The following ITSN2 variants were observed in gnomAD, a reference collection of about 807,000 sequenced individuals.
ITSN2 encodes the protein intersectin-2.
In ITSN2, 156 loss-of-function variants were observed where a neutral mutation model predicts 243.7. That is an observed-to-expected ratio of 0.64 (90% CI 0.56 to 0.73). The LOEUF (loss-of-function observed/expected upper bound fraction) is 0.73. Ranked by LOEUF, ITSN2 falls within the 30% of genes least tolerant of loss-of-function variation. ITSN2 has a pLI of 0.00. For missense variants in ITSN2, 1,801 were observed against 1,996.1 expected (o/e 0.90, Z 1.86); for synonymous variants, 703 against 699.9 (o/e 1.00, Z -0.07).
chr2:24,275,663 A>G lies in ITSN2; in HGVS notation c.2081+50T>C, dbSNP rs1677916247. The G allele has an allele frequency of 2.7e-6, 4 of 1,463,016 alleles. No homozygotes were observed. The East Asian group carries it at 9.3e-5, about 34-fold the overall frequency. 90.6% of individuals were successfully genotyped at this position (1,463,016 alleles called of 1,614,324 possible). On this transcript the variant is annotated intron_variant, in intron 18 of 39. Coordinates refer to ENST00000355123, the MANE Select transcript of ITSN2 (RefSeq NM_006277.3). Reference sequence around the variant, plus strand: ...ATAAACTAAAGATATGAGCAACAAAATTACAATTCTAATGGCAATATAGCA... The same window carrying G: ...ATAAACTAAAGATATGAGCAACAAAGTTACAATTCTAATGGCAATATAGCA...
chr2:24,261,753 A>C lies in ITSN2; in HGVS notation c.2356-11T>G. On this transcript the variant is annotated splice_polypyrimidine_tract_variant and intron_variant, in intron 20 of 39. Coordinates refer to ENST00000355123, the MANE Select transcript of ITSN2 (RefSeq NM_006277.3). Reference sequence around the variant, plus strand: ...GGTTTTTTCATCAACCTACGGAAATAAAAAGAAGGATTAACAGTGCTTAGA... The same window carrying C: ...GGTTTTTTCATCAACCTACGGAAATCAAAAGAAGGATTAACAGTGCTTAGA... The C allele has an allele frequency of 6.2e-7, 1 of 1,601,490 alleles. No individual in the cohort carries two copies. Among genetic ancestry groups the C allele is most frequent in the Non-Finnish European group, 8.5e-7 (1 of 1,171,344 alleles).
intron 22 of ITSN2, among the ~76,000 whole-genome samples, chr2:24,259,509 A>G (rs4665678): frequency 0.98 from 148,965 of 152,312 alleles, 72,842 homozygotes; most frequent in East Asian, 0.99. Flanking sequence ...ACTTTCCACT[A>G]CCAAGTTGCC....
chr2:24,285,907 C>T (rs188668575), intron 16 of ITSN2, among the ~76,000 whole-genome samples: 127 of 152,292 alleles, frequency 8.3e-4, no homozygotes, highest in African/African-American at 2.9e-3. Flanking sequence ...TAGGATAACG[C>T]TGGCTGAGAT....
rs1013047992 is a variant in ITSN2 at position 24,216,345 on chromosome 2, T to C, written c.3807-113A>G. 2.5e-5 allele frequency: 21 copies of C among 845,866 alleles called. No homozygotes were observed. In the Admixed American group the frequency reaches 6.1e-4, roughly 25 times the overall value. 52.4% of individuals were successfully genotyped at this position (845,866 alleles called of 1,614,324 possible). A position where few individuals can be genotyped will look rare whatever the true frequency, so the allele number is the denominator to read the frequency against. ...ATAACCAGTGAGCTACCTAAGAACC[T>C]CTGGCACTGGGAAGGAGAACTCAAG... On this transcript the variant is annotated intron_variant, in intron 31 of 39. Transcript: ENST00000355123.
chr2:24,224,202 CACT>C (rs2151167577), intron 29 of ITSN2, among the ~76,000 whole-genome samples: 1 of 152,328 alleles, frequency 6.6e-6, no homozygotes, highest in East Asian at 1.9e-4. Flanking sequence ...CCTCCCACAC[CACT>C]GTCTTACAAA....
chr2:24,334,924 G>T (rs956274435), intron 1 of ITSN2, among the ~76,000 whole-genome samples: 1 of 151,560 alleles, frequency 6.6e-6, no homozygotes, highest in Non-Finnish European at 1.5e-5. Context: ...TTAGCCGGGC[G>T]TGGTAGCGGG....
chr2:24,258,385 C>T (rs1333301171), intron 22 of ITSN2, among the ~76,000 whole-genome samples: 1 of 152,134 alleles, frequency 6.6e-6, no homozygotes, highest in Non-Finnish European at 1.5e-5. Flanking sequence ...CCATGAAATA[C>T]ATATCATGGA....
At chr2:24,347,406 G>A (rs1282362396) in intron 1 of ITSN2, among the ~76,000 whole-genome samples, 1 of 152,146 alleles carries the variant, frequency 6.6e-6, no homozygotes, top group Non-Finnish European at 1.5e-5. Context: ...CAAATTGTAG[G>A]CCAGGCACTG....
At chr2:24,318,043 T>C (rs1054103566) in intron 2 of ITSN2, among the ~76,000 whole-genome samples, 1 of 152,210 alleles carries the variant, frequency 6.6e-6, no homozygotes, top group Non-Finnish European at 1.5e-5. Flanking sequence ...CACTGACACA[T>C]AGTCCCTCCC....
intron 1 of ITSN2, among the ~76,000 whole-genome samples, chr2:24,349,889 A>T (rs1233081076): frequency 6.6e-6 from 1 of 152,226 alleles, no homozygotes; most frequent in Non-Finnish European, 1.5e-5. Flanking sequence ...AATAACAGCA[A>T]CTGGAACCAC....
chr2:24,302,434 G>A (rs536518595), intron 9 of ITSN2, among the ~76,000 whole-genome samples: 15 of 152,160 alleles, frequency 9.9e-5, no homozygotes, highest in African/African-American at 2.9e-4. Context: ...TCCTGACCTC[G>A]TGATCCGCCC....
chr2:24,282,258 T>A (rs1465621344), intron 17 of ITSN2, among the ~76,000 whole-genome samples: 2 of 152,094 alleles, frequency 1.3e-5, no homozygotes, highest in Admixed American at 6.5e-5. Flanking sequence ...AGCACGCCGG[T>A]GGAAGAGCAT....
At chr2:24,284,679 G>A in intron 17 of ITSN2, 84 bp downstream of exon 17, 1 of 806,684 alleles carries the variant, frequency 1.2e-6, no homozygotes, top group Non-Finnish European at 2.1e-6. Context: ...AAGATACTCA[G>A]ATAAAGGCAA....
At chr2:24,264,191 A>C (rs1346422909) in intron 20 of ITSN2, among the ~76,000 whole-genome samples, 2 of 152,158 alleles carry the variant, frequency 1.3e-5, no homozygotes, top group Non-Finnish European at 2.9e-5. Flanking sequence ...CGGGAGTTTG[A>C]GACCAGTCTG....
At chr2:24,217,347 G>A (rs1295220513) in intron 31 of ITSN2, among the ~76,000 whole-genome samples, 4 of 152,134 alleles carry the variant, frequency 2.6e-5, no homozygotes, top group African/African-American at 9.7e-5. Flanking sequence ...ATTCTAACTT[G>A]TTCTTGGTTG....
rs951327497 is a variant in ITSN2, at chr2:24,303,839, G to A, written c.817C>T (p.Leu273Phe). 3.1e-6 allele frequency: 5 copies of A among 1,610,300 alleles called. No individual in the cohort carries two copies. The highest frequency in any genetic ancestry group is 1.1e-5 in the South Asian group (1 of 91,008). The part of the protein sequence containing the change: ...LSGFQARNAL[L>F]QSNLSQTQLA... ...TGAGTTTGAGAAAGATTTGACTGAA[G>A]AAGGGCATTTCTAGCTTGAAAACCT... Residue 273 changes from leucine to phenylalanine, a missense_variant, in exon 9 of 40, where the codon CTT becomes TTT. By Grantham distance (22) the Leu-to-Phe change is conservative. Around this residue, in one of 5 missense-constraint regions of ITSN2, gnomAD observed 787 missense variants for 803.9 expected, o/e 0.98. Coordinates refer to ENST00000355123, the MANE Select transcript of ITSN2 (RefSeq NM_006277.3).
In ITSN2 at chr2:24,261,130, T is replaced by G. The variant is rs568266917; in HGVS notation, c.2658A>C (p.Gly886=). 6.2e-7 allele frequency: 1 copy of G among 1,613,866 alleles called. No individual in the cohort carries two copies. The highest frequency in any genetic ancestry group is 1.1e-5 in the South Asian group (1 of 91,070). ...CCTGTCCATGAATAGGTGATACAGA[T>G]CCAGGGGACACAGTTCGAGTGAAGG... The part of the protein sequence containing the change: ...KSAFTRTVSP[G]SVSPIHGQGQ... The change falls in exon 22 of 40, where the codon GGA becomes GGC. Residue 886 remains glycine (G), a synonymous_variant. Transcript: ENST00000355123.
chr2:24,333,914 G>C (rs1470390167), intron 1 of ITSN2, among the ~76,000 whole-genome samples: 2 of 152,180 alleles, frequency 1.3e-5, no homozygotes, highest in African/African-American at 4.8e-5. Flanking sequence ...TTTTGAGACA[G>C]AGTCTCATTC....
intron 33 of ITSN2, among the ~76,000 whole-genome samples, chr2:24,212,344 C>T (rs1216060038): frequency 2.0e-5 from 3 of 152,092 alleles, no homozygotes; most frequent in Admixed American, 6.5e-5. Flanking sequence ...CCTAGAGGGG[C>T]CTTTCCCTGC....
Sources: allele counts gnomAD v4.1 joint callset (sites outside exome capture counted in the v4.1 genomes callset), GRCh38; gene constraint gnomAD v4.1.1; regional missense constraint gnomAD v4.1.1; transcripts MANE v1.5; gene names NCBI Gene and HGNC (gene_info 2026-07-23, HGNC 2026-07-21).